KCNQ1: variants seen among roughly 807,000 people sequenced by gnomAD.
KCNQ1 encodes the protein potassium voltage-gated channel subfamily KQT member 1.
Under a neutral mutation model 72.4 loss-of-function variants are expected in KCNQ1, and 49 were observed. The ratio of observed to expected loss-of-function variants is 0.68; its 90% CI spans 0.54 to 0.86. KCNQ1 has a LOEUF of 0.86. KCNQ1 is among the 40% of genes least tolerant of loss of function. KCNQ1 has a pLI of 0.00. For missense variants in KCNQ1, 790 were observed against 945.1 expected, an observed-to-expected ratio of 0.84 and a Z score of 2.15; for synonymous variants, 450 against 412.6, an observed-to-expected ratio of 1.09 and a Z score of -1.10.
intron 1 of KCNQ1, among the ~76,000 whole-genome samples, chr11:2,466,095 G>A (rs1846347806): frequency 6.6e-6 from 1 of 152,222 alleles, no homozygotes; most frequent in South Asian, 2.1e-4. Flanking sequence ...TCCACCCAGG[G>A]GGCTCAGGGA....
intron 1 of KCNQ1, among the ~76,000 whole-genome samples, chr11:2,448,892 T>G (rs1846081379): frequency 6.6e-6 from 1 of 152,094 alleles, no homozygotes; most frequent in Non-Finnish European, 1.5e-5. Context: ...TTCGTACTAG[T>G]TGGGGGGAAC....
Position 2,484,498 on chromosome 11 carries a change from G to T in KCNQ1, c.386+39014G>T. ...TATTTTCATTGCTCAAATTGTGCTG[G>T]CTTTTGCCCCAGAAACAACCTTCCA... On this transcript the variant is annotated intron_variant, in intron 1 of 15. Transcript: ENST00000155840. This position sits in a 1 kb window ranked among gnomAD's most constrained non-coding sequence, Gnocchi z 5.2. Among the ~76,000 whole-genome samples the T allele has an allele frequency of 6.6e-6, 1 of 152,180 alleles. No homozygotes were observed. The highest frequency in any genetic ancestry group is 2.1e-4 in the South Asian group (1 of 4,826).
In KCNQ1 at chr11:2,673,558, C is replaced by T. The variant is rs1036794006; in HGVS notation, c.1514+11477C>T. On this transcript the variant is annotated intron_variant, in intron 11 of 15. Transcript: ENST00000155840. The surrounding 1 kb of genome is among the most constrained non-coding windows in gnomAD (Gnocchi z 4.5). ...GCTCTCAGCCTATCCCCTCCCTGGCCATGCAGGTGGAAGACCCTATTACTT... is the reference window on the plus strand; with the variant it reads ...GCTCTCAGCCTATCCCCTCCCTGGCTATGCAGGTGGAAGACCCTATTACTT... 5 of 398,612 alleles carry T rather than the reference C, an allele frequency of 1.3e-5. No individual in the cohort carries two copies. Among genetic ancestry groups the T allele is most frequent in the African/African-American group, 1.0e-4 (5 of 48,644 alleles). 24.7% of individuals were successfully genotyped at this position (398,612 alleles called of 1,614,324 possible).
intron 15 of KCNQ1, among the ~76,000 whole-genome samples, chr11:2,806,557 C>T (rs912769824): frequency 5.3e-5 from 8 of 152,174 alleles, no homozygotes; most frequent in African/African-American, 1.9e-4. Flanking sequence ...ACCAGGTAAC[C>T]TGTCTGTGCT....
Position 2,652,029 on chromosome 11 carries a change from G to T in KCNQ1, c.1394-9932G>T. 1 of 398,656 alleles carries T rather than the reference G, an allele frequency of 2.5e-6. No homozygotes were observed. Among genetic ancestry groups the T allele is most frequent in the Non-Finnish European group, 4.4e-6 (1 of 226,090 alleles). The allele number at this position is 398,656 out of a possible 1,614,324, so 24.7% of individuals were successfully genotyped here. A position where few individuals can be genotyped will look rare whatever the true frequency, so the allele number is the denominator to read the frequency against. ...AATTTTGATGTTGAGCCTCCCCCCA[G>T]TTCTGGGGTGGCTCTGACTGTGTCC... On this transcript the variant is annotated intron_variant, in intron 10 of 15. Transcript: ENST00000155840. The surrounding 1 kb of genome is among the most constrained non-coding windows in gnomAD (Gnocchi z 5.9).
Position 2,512,243 on chromosome 11 carries a change from CAG to C in KCNQ1, c.387-15684_387-15683del, listed in dbSNP as rs1448459325. On this transcript the variant is annotated intron_variant, in intron 1 of 15. Coordinates refer to ENST00000155840, the MANE Select transcript of KCNQ1 (RefSeq NM_000218.3). ...GCACATGCTCAGCCTTCCCTGGACT[CAG>C]GGCCCTACGGGTGCTGGAGCCGGGG... Among the ~76,000 whole-genome samples the C allele has an allele frequency of 8.5e-5, 13 of 152,344 alleles. No individual in the cohort carries two copies. The Middle Eastern group carries it at 0.02, about 239-fold the overall frequency.
rs1349485557 is a variant in KCNQ1, at chr11:2,663,449, A to C, written c.1514+1368A>C. 2 of 398,656 alleles carry C rather than the reference A, an allele frequency of 5.0e-6. No homozygotes were observed. Among genetic ancestry groups the C allele is most frequent in the Non-Finnish European group, 8.8e-6 (2 of 226,198 alleles). 24.7% of individuals were successfully genotyped at this position (398,656 alleles called of 1,614,324 possible). ...AAGTCCTGGATATGATGGACCTCCA[A>C]AGTGATCAGTGTTAGTTTAGTGGCT... On this transcript the variant is annotated intron_variant, in intron 11 of 15. Coordinates refer to ENST00000155840, the MANE Select transcript of KCNQ1 (RefSeq NM_000218.3). The surrounding 1 kb of genome is among the most constrained non-coding windows in gnomAD (Gnocchi z 5.2).
rs924185077 is a variant in KCNQ1, at chr11:2,445,497, A to T, written c.386+13A>T. 3.8e-6 allele frequency: 6 copies of T among 1,590,340 alleles called. No individual in the cohort carries two copies. In the African/African-American group the frequency reaches 5.3e-5, roughly 14 times the overall value. On this transcript the variant is annotated intron_variant, in intron 1 of 15. Coordinates refer to ENST00000155840, the MANE Select transcript of KCNQ1 (RefSeq NM_000218.3). ...ACCACTTCGCCGTGTGAGTATCGCCACCGGCGACGGCCGGCACGAAGGTGC... is the reference window on the plus strand; with the variant it reads ...ACCACTTCGCCGTGTGAGTATCGCCTCCGGCGACGGCCGGCACGAAGGTGC...
At chr11:2,596,239 A>ATGC (rs1848731791) in intron 10 of KCNQ1, among the ~76,000 whole-genome samples, 1 of 152,230 alleles carries the variant, frequency 6.6e-6, no homozygotes, top group Non-Finnish European at 1.5e-5. Context: ...TGAGAATGCA[A>ATGC]AGTCCAAAGC....
At chr11:2,666,539 C>T (rs1850071439) in intron 11 of KCNQ1, 1 of 398,568 alleles carries the variant, frequency 2.5e-6, no homozygotes, top group Non-Finnish European at 4.4e-6. Flanking sequence ...CACATCACTA[C>T]TAATGTCTCC....
intron 1 of KCNQ1, among the ~76,000 whole-genome samples, chr11:2,467,165 TGA>T (rs1318942646): frequency 3.3e-5 from 5 of 151,728 alleles, no homozygotes; most frequent in East Asian, 3.9e-4. Context: ...CTCCCTGGGG[TGA>T]GGGCCAGGGT....
chr11:2,824,253 G>A lies in KCNQ1; in HGVS notation c.1795-23514G>A, dbSNP rs1293852524. Among the ~76,000 whole-genome samples the A allele has an allele frequency of 2.0e-5, 3 of 152,262 alleles. No individual in the cohort carries two copies. The highest frequency in any genetic ancestry group is 4.4e-5 in the Non-Finnish European group (3 of 68,020). The stretch of plus-strand genomic sequence containing the variant: ...GCCAGAGTAGAGGGGAGGTGGGTGA[G>A]GAGGCTACGCAGAGGCCCTGGGAGG... On this transcript the variant is annotated intron_variant, in intron 15 of 15. Coordinates refer to ENST00000155840, the MANE Select transcript of KCNQ1 (RefSeq NM_000218.3). The surrounding 1 kb of genome is among the most constrained non-coding windows in gnomAD (Gnocchi z 5.9).
rs1381831646 is a variant in KCNQ1 at position 2,537,026 on chromosome 11, G to A, written c.477+9008G>A. 6.6e-6 allele frequency among the ~76,000 whole-genome samples: 1 copy of A among 151,996 alleles called. No homozygotes were observed. The highest frequency in any genetic ancestry group is 2.4e-5 in the African/African-American group (1 of 41,280). On this transcript the variant is annotated intron_variant, in intron 2 of 15. Coordinates refer to ENST00000155840, the MANE Select transcript of KCNQ1 (RefSeq NM_000218.3). The surrounding 1 kb of genome is among the most constrained non-coding windows in gnomAD (Gnocchi z 5.2). ...GGACACCAGTCTTACTGGATTGGAG[G>A]CTACCCTACTCCACTGTGACCCCCC...
intron 10 of KCNQ1, chr11:2,644,596 A>G: frequency 2.5e-6 from 1 of 398,518 alleles, no homozygotes; most frequent in Non-Finnish European, 4.4e-6. Context: ...TGCATTCCTT[A>G]GGAGTTGTCA....
chr11:2,596,657 G>A (rs1304261684), intron 10 of KCNQ1, among the ~76,000 whole-genome samples: 1 of 151,848 alleles, frequency 6.6e-6, no homozygotes, highest in African/African-American at 2.4e-5. Flanking sequence ...AATATAGAGT[G>A]ACAAACAAGT....
In KCNQ1 at chr11:2,572,925, C is replaced by T. The variant is rs199472735; in HGVS notation, c.860C>T (p.Ala287Val). 7 of 1,613,688 alleles carry T rather than the reference C, an allele frequency of 4.3e-6. No homozygotes were observed. Among genetic ancestry groups the T allele is most frequent in the African/African-American group, 1.3e-5 (1 of 74,928 alleles). ...SYFVYLAEKD[A>V]VNESGRVEFG... is the part of the protein sequence containing the mutation. ...TTTGTGTACCTGGCTGAGAAGGACG[C>T]GGTGAACGAGTCAGGCCGCGTGGAG... Residue 287 changes from alanine (A) to valine (V), a missense_variant, in exon 6 of 16, where the codon GCG (alanine) becomes GTG (valine). Coordinates refer to ENST00000155840, the MANE Select transcript of KCNQ1 (RefSeq NM_000218.3).
intron 11 of KCNQ1, chr11:2,688,035 C>G: frequency 5.0e-6 from 2 of 398,718 alleles, no homozygotes; most frequent in Non-Finnish European, 4.4e-6. Flanking sequence ...TGGGCAGGCA[C>G]ACACTCCACT....
rs1031108292 is a variant in KCNQ1 at position 2,451,304 on chromosome 11, C to G, written c.386+5820C>G. ...CTAGATCCCTTGTGTGCGCAGTTCA[C>G]AATAGGATTTGTGCTCCTGTGAGAA... is the stretch of plus-strand genomic sequence containing the variant. On this transcript the variant is annotated intron_variant, in intron 1 of 15. Transcript: ENST00000155840. This position sits in a 1 kb window ranked among gnomAD's most constrained non-coding sequence, Gnocchi z 6.4. 1.1e-4 allele frequency among the ~76,000 whole-genome samples: 16 copies of G among 152,212 alleles called. No homozygotes were observed. Among genetic ancestry groups the G allele is most frequent in the Admixed American group, 2.6e-4 (4 of 15,288 alleles).
Position 2,671,829 on chromosome 11 carries a change from G to T in KCNQ1, c.1514+9748G>T, listed in dbSNP as rs745620194. On this transcript the variant is annotated intron_variant, in intron 11 of 15. Transcript: ENST00000155840. The surrounding 1 kb of genome is among the most constrained non-coding windows in gnomAD (Gnocchi z 4.7). ...AATAAATCCCTGCAACCCCACTGTG[G>T]TTATAGGTCTGAGCCTTCTGCCCCA... 2.1e-4 allele frequency: 84 copies of T among 398,690 alleles called. No homozygotes were observed. Among genetic ancestry groups the T allele is most frequent in the Non-Finnish European group, 3.3e-4 (75 of 226,184 alleles). 24.7% of individuals were successfully genotyped at this position (398,690 alleles called of 1,614,324 possible).
Sources: allele counts gnomAD v4.1 joint callset (sites outside exome capture counted in the v4.1 genomes callset), GRCh38; gene constraint gnomAD v4.1.1; non-coding constraint Gnocchi (gnomAD v3.1); transcripts MANE v1.5; gene names NCBI Gene and HGNC (gene_info 2026-07-23, HGNC 2026-07-21).